HEPACAM: variants seen among roughly 807,000 people sequenced by gnomAD.
HEPACAM encodes hepatic and glial cell adhesion molecule, also known as hepatocyte cell adhesion molecule.
In HEPACAM, 18 loss-of-function variants were observed where a neutral mutation model predicts 38.3. The observed-to-expected ratio is 0.47, with a 90% CI of 0.33 to 0.70. HEPACAM has a LOEUF of 0.70. HEPACAM is among the 30% of genes least tolerant of loss of function. The pLI is 0.03. For synonymous variants in HEPACAM, 216 were observed against 243.1 expected (o/e 0.89, Z 1.04); for missense variants, 466 against 563.0 (o/e 0.83, Z 1.74).
In HEPACAM at chr11:124,921,419, T is replaced by C; in HGVS notation, c.970A>G (p.Asn324Asp). 7.9e-7 allele frequency: 1 copy of C among 1,270,272 alleles called. No homozygotes were observed. Among genetic ancestry groups the C allele is most frequent in the East Asian group, 3.1e-5 (1 of 32,416 alleles). The allele number at this position is 1,270,272 out of a possible 1,614,324, so 78.7% of individuals were successfully genotyped here. Residue 324 changes from asparagine (N) to aspartate (D), a missense_variant, in exon 7 of 7, where the codon AAC becomes GAC. Asn to Asp is a conservative substitution (Grantham distance 23, BLOSUM62 1). Coordinates refer to ENST00000298251, the MANE Select transcript of HEPACAM (RefSeq NM_152722.5). The surrounding 1 kb of genome is among the most constrained non-coding windows in gnomAD (Gnocchi z 4.6). Reference sequence around the variant, plus strand: ...GCGCTTCGAGGCTCCGGGGCCGGGTTCTCCTCGGTCTCCGGGGAGTCCTGC... The same window carrying C: ...GCGCTTCGAGGCTCCGGGGCCGGGTCCTCCTCGGTCTCCGGGGAGTCCTGC... ...KDKDSPETEENPAPEPRSATE... is the reference protein window; with the variant it reads ...KDKDSPETEEDPAPEPRSATE...
intron 1 of HEPACAM, among the ~76,000 whole-genome samples, chr11:124,933,391 G>A (rs1001269056): frequency 6.0e-5 from 9 of 149,516 alleles, no homozygotes; most frequent in Admixed American, 2.1e-4. Flanking sequence ...GGCTGGTCTC[G>A]AACTCCTGGG....
In HEPACAM at chr11:124,920,356, C is replaced by T; in HGVS notation, c.*782G>A. Reference sequence around the variant, plus strand: ...CACTTCTCTATAAGAATAAGCCCATCCATCTCTTTTATTCATGAACAGAGA... The same window carrying T: ...CACTTCTCTATAAGAATAAGCCCATTCATCTCTTTTATTCATGAACAGAGA... On this transcript the variant is annotated 3_prime_UTR_variant, in exon 7 of 7. Transcript: ENST00000298251. 6.6e-7 allele frequency: 1 copy of T among 1,522,604 alleles called. No individual in the cohort carries two copies. The highest frequency in any genetic ancestry group is 8.9e-7 in the Non-Finnish European group (1 of 1,125,604). 94.3% of individuals were successfully genotyped at this position (1,522,604 alleles called of 1,614,324 possible). A position where few individuals can be genotyped will look rare whatever the true frequency, so the allele number is the denominator to read the frequency against.
chr11:124,924,240 T>G lies in HEPACAM; in HGVS notation c.428-230A>C, dbSNP rs1213884194. On this transcript the variant is annotated intron_variant, in intron 2 of 6. Transcript: ENST00000298251. This position sits in a 1 kb window ranked among gnomAD's most constrained non-coding sequence, Gnocchi z 4.4. ...GCATGGCGGGTACAATGCTGAACAA[T>G]GCAGACATGGTGTTGCCCTCATTCC... Among the ~76,000 whole-genome samples the G allele has an allele frequency of 6.6e-6, 1 of 152,176 alleles. No individual in the cohort carries two copies. Among genetic ancestry groups the G allele is most frequent in the Non-Finnish European group, 1.5e-5 (1 of 68,028 alleles).
chr11:124,920,626 A>C lies in HEPACAM; in HGVS notation c.*512T>G. On this transcript the variant is annotated 3_prime_UTR_variant, in exon 7 of 7. Transcript: ENST00000298251. ...AGTAACCGGCATCTGGCTTCTCCTT[A>C]GCTTAGTGCAGCTGTGGATTCTGGG... 9.8e-7 allele frequency: 1 copy of C among 1,015,730 alleles called. No individual in the cohort carries two copies. Among genetic ancestry groups the C allele is most frequent in the Non-Finnish European group, 1.2e-6 (1 of 848,888 alleles). The allele number at this position is 1,015,730 out of a possible 1,614,324, so 62.9% of individuals were successfully genotyped here.
chr11:124,925,432 G>A (rs1352821870), intron 1 of HEPACAM, among the ~76,000 whole-genome samples: 2 of 152,122 alleles, frequency 1.3e-5, no homozygotes. Context: ...ATGTCTTTAG[G>A]ATATAGCAAT....
chr11:124,923,649 T>C (rs1831754241), intron 3 of HEPACAM, 80 bp downstream of exon 3: 6 of 1,555,636 alleles, frequency 3.9e-6, no homozygotes, highest in Non-Finnish European at 5.3e-6. Flanking sequence ...GTGACATTTC[T>C]TTGGGATGTC....
chr11:124,928,465 G>A (rs1040427595), intron 1 of HEPACAM, among the ~76,000 whole-genome samples: 1 of 152,178 alleles, frequency 6.6e-6, no homozygotes, highest in Non-Finnish European at 1.5e-5. Context: ...GTGTGCAGTA[G>A]TATGCTATGC....
chr11:124,920,632 G>C lies in HEPACAM; in HGVS notation c.*506C>G. On this transcript the variant is annotated 3_prime_UTR_variant, in exon 7 of 7. Transcript: ENST00000298251. ...CGGCATCTGGCTTCTCCTTAGCTTA[G>C]TGCAGCTGTGGATTCTGGGAAAGTG... 4 of 1,008,156 alleles carry C rather than the reference G, an allele frequency of 4.0e-6. No individual in the cohort carries two copies. The highest frequency in any genetic ancestry group is 4.7e-6 in the Non-Finnish European group (4 of 843,866). 62.5% of individuals were successfully genotyped at this position (1,008,156 alleles called of 1,614,324 possible). A position where few individuals can be genotyped will look rare whatever the true frequency, so the allele number is the denominator to read the frequency against.
chr11:124,934,336 C>A (rs1565342804), intron 1 of HEPACAM, among the ~76,000 whole-genome samples: 1 of 152,060 alleles, frequency 6.6e-6, no homozygotes, highest in African/African-American at 2.4e-5. Flanking sequence ...ATTGCAATAG[C>A]TTTTTGACCT....
Position 124,921,484 on chromosome 11 carries a change from G to T in HEPACAM, c.949-44C>A. 1 of 1,183,098 alleles carries T rather than the reference G, an allele frequency of 8.5e-7. No homozygotes were observed. Among genetic ancestry groups the T allele is most frequent in the Non-Finnish European group, 1.1e-6 (1 of 938,242 alleles). 73.3% of individuals were successfully genotyped at this position (1,183,098 alleles called of 1,614,324 possible). ...CAGGGGTCAGGGGACAGTCAGCCCA[G>T]CCTGGGAGCGCGCCTGGTGTTAGAG... On this transcript the variant is annotated intron_variant, in intron 6 of 6. Transcript: ENST00000298251. This position sits in a 1 kb window ranked among gnomAD's most constrained non-coding sequence, Gnocchi z 4.6.
chr11:124,928,961 C>A (rs1250210041), intron 1 of HEPACAM, among the ~76,000 whole-genome samples: 1 of 152,222 alleles, frequency 6.6e-6, no homozygotes, highest in Non-Finnish European at 1.5e-5. Flanking sequence ...TGACACCTGT[C>A]TGAGATATTT....
chr11:124,928,409 G>T (rs1199773323), intron 1 of HEPACAM, among the ~76,000 whole-genome samples: 1 of 152,254 alleles, frequency 6.6e-6, no homozygotes, highest in Non-Finnish European at 1.5e-5. Context: ...CCACTGGGGT[G>T]ATGATCAAAT....
At chr11:124,931,034 T>C (rs915371091) in intron 1 of HEPACAM, among the ~76,000 whole-genome samples, 2 of 152,182 alleles carry the variant, frequency 1.3e-5, no homozygotes, top group Non-Finnish European at 2.9e-5. Context: ...AAAGATACCA[T>C]TGTGAAAGCG....
chr11:124,922,346 G>C (rs1220796790), intron 6 of HEPACAM, 42 bp downstream of exon 6: 1 of 1,551,750 alleles, frequency 6.4e-7, no homozygotes, highest in South Asian at 1.1e-5. Flanking sequence ...TGTGGGAGGG[G>C]ATCACTGCAT....
rs751441258 is a variant in HEPACAM, at chr11:124,923,889, A to G, written c.549T>C (p.Asp183=). 3.7e-6 allele frequency: 6 copies of G among 1,613,798 alleles called. No homozygotes were observed. The highest frequency in any genetic ancestry group is 3.3e-5 in the Admixed American group (2 of 60,000). Residue 183 remains aspartate, a synonymous_variant, in exon 3 of 7, where the codon GAT becomes GAC. Transcript: ENST00000298251. ...GTKPSYTWLK[D]GKPLLNDSRM... ...TCGAGTCATTGAGGAGGGGCTTGCC[A>G]TCCTTCAGCCAGGTGTAGCTGGGCT...
chr11:124,922,735 G>A lies in HEPACAM; in HGVS notation c.877+10C>T. The A allele has an allele frequency of 6.2e-7, 1 of 1,614,184 alleles. No individual in the cohort carries two copies. The highest frequency in any genetic ancestry group is 8.5e-7 in the Non-Finnish European group (1 of 1,180,002). ...TGATGGGATGGGTGATTGGGTGGCT[G>A]GGAGCTCACCTTCTGGTTTCAGGCG... On this transcript the variant is annotated intron_variant, in intron 5 of 6. Transcript: ENST00000298251.
chr11:124,920,767 A>T lies in HEPACAM; in HGVS notation c.*371T>A. On this transcript the variant is annotated 3_prime_UTR_variant, in exon 7 of 7. Transcript: ENST00000298251. ...AAGGGTGGTGGGTGGGAAACAACAC[A>T]GCTCCCTAGGAAGAGCACAGGATAG... 1.9e-6 allele frequency: 2 copies of T among 1,067,630 alleles called. No individual in the cohort carries two copies. Among genetic ancestry groups the T allele is most frequent in the Non-Finnish European group, 2.3e-6 (2 of 883,802 alleles). 66.1% of individuals were successfully genotyped at this position (1,067,630 alleles called of 1,614,324 possible).
rs1947157531 is a variant in HEPACAM at position 124,922,755 on chromosome 11, C to T, written c.867G>A (p.Leu289=). ...TGGCTGGGAGCTCACCTTCTGGTTT[C>T]AGGCGGTCATCATTCTGATCCATGT... ...LEYMDQNDDR[L]KPEADTLPRS... is the part of the protein sequence containing the mutation. The change falls in exon 5 of 7, where the codon CTG becomes CTA. Residue 289 remains leucine, a synonymous_variant. Transcript: ENST00000298251. 2 of 1,614,228 alleles carry T rather than the reference C, an allele frequency of 1.2e-6. No individual in the cohort carries two copies. The highest frequency in any genetic ancestry group is 2.7e-5 in the African/African-American group (2 of 75,048).
At chr11:124,934,730 T>C (rs1565342950) in intron 1 of HEPACAM, among the ~76,000 whole-genome samples, 1 of 152,086 alleles carries the variant, frequency 6.6e-6, no homozygotes, top group Non-Finnish European at 1.5e-5. Context: ...GGTATTTTGT[T>C]ATAGGAGCCC....
Sources: gnomAD v4.1 joint callset for allele counts (sites outside exome capture counted in the v4.1 genomes callset) on GRCh38, gnomAD v4.1.1 for gene constraint, Gnocchi (gnomAD v3.1) non-coding constraint, MANE v1.5 for transcripts, NCBI Gene and HGNC (gene_info 2026-07-23, HGNC 2026-07-21) for gene names.